Variants in MYZAP observed in about 807,000 individuals in gnomAD.
MYZAP encodes GRINL1A complex locus upstream.
Under a neutral mutation model 69.4 loss-of-function variants are expected in MYZAP, and 66 were observed. That is an observed-to-expected ratio of 0.95 (90% CI 0.78 to 1.17). The LOEUF (loss-of-function observed/expected upper bound fraction) is 1.17. Among genes scored for constraint, MYZAP ranks in the 50% most tolerant of loss-of-function variants. The pLI is 0.00. For synonymous variants in MYZAP, 256 were observed against 205.9 expected (o/e 1.24, Z -2.09); for missense variants, 611 against 556.2 (o/e 1.10, Z -0.99).
chr15:57,683,887 C>T (rs551196169), intron 12 of MYZAP, among the ~76,000 whole-genome samples: 17 of 152,184 alleles, frequency 1.1e-4, no homozygotes, highest in African/African-American at 3.6e-4. Context: ...CTCTGCCTCC[C>T]GGGTTCAAGC....
Position 57,661,516 on chromosome 15 carries a change from T to G in MYZAP, c.1186T>G (p.Ser396Ala). The change falls in exon 11 of 13, where the codon TCT becomes GCT. Residue 396 changes from serine to alanine, a missense_variant. Transcript: ENST00000267853. Reference sequence around the variant, plus strand: ...AATACTGCAGCTTTTAGAAAAGATATCTTTCTTAGAAGGAGAGGTAAGGAT... The same window carrying G: ...AATACTGCAGCTTTTAGAAAAGATAGCTTTCTTAGAAGGAGAGGTAAGGAT... Reference protein sequence around the residue: ...LLILQLLEKISFLEGENNELQ... With the variant: ...LLILQLLEKIAFLEGENNELQ... 4 of 1,610,050 alleles carry G rather than the reference T, an allele frequency of 2.5e-6. No homozygotes were observed. In the South Asian group the frequency reaches 3.3e-5, roughly 13 times the overall value.
At chr15:57,619,856 G>A (rs1043336659) in intron 3 of MYZAP, among the ~76,000 whole-genome samples, 2 of 152,168 alleles carry the variant, frequency 1.3e-5, no homozygotes, top group Non-Finnish European at 2.9e-5. Context: ...AAAGGCAGGA[G>A]GAGATGTTGG....
chr15:57,635,196 C>T (rs1235271661), intron 8 of MYZAP, among the ~76,000 whole-genome samples: 1 of 152,278 alleles, frequency 6.6e-6, no homozygotes, highest in East Asian at 1.9e-4. Flanking sequence ...ACTCAGTCTC[C>T]ACTTCTGTAA....
intron 2 of MYZAP, among the ~76,000 whole-genome samples, chr15:57,606,736 A>ATAG (rs397755624): frequency 6.8e-6 from 1 of 146,000 alleles, no homozygotes; most frequent in Admixed American, 6.9e-5. Context: ...AATAATAATA[A>ATAG]AATAAAATAA....
At position 57,644,311 on chromosome 15, in the gene MYZAP, C is replaced by T. The variant is rs996562606; in HGVS notation, c.1119+4766C>T. On this transcript the variant is annotated intron_variant, in intron 10 of 12. Coordinates refer to ENST00000267853, the MANE Select transcript of MYZAP (RefSeq NM_001018100.5). ...CTCAACAGAAAGCAAGCCAGGGAGA[C>T]AGTCACCAGGGACCAGGAGCACAGA... Among the ~76,000 whole-genome samples the T allele has an allele frequency of 1.3e-5, 2 of 152,186 alleles. 1 individual carries two copies. The highest frequency in any genetic ancestry group is 4.8e-5 in the African/African-American group (2 of 41,438).
At chr15:57,680,281 C>T (rs779282609) in intron 12 of MYZAP, among the ~76,000 whole-genome samples, 3 of 152,112 alleles carry the variant, frequency 2.0e-5, no homozygotes, top group Non-Finnish European at 4.4e-5. Flanking sequence ...TTGACTCCTT[C>T]TTTCCCATTC....
intron 9 of MYZAP, among the ~76,000 whole-genome samples, chr15:57,638,399 A>G (rs1321844487): frequency 1.3e-5 from 2 of 152,202 alleles, no homozygotes; most frequent in East Asian, 1.9e-4. Flanking sequence ...TATGACGGTG[A>G]TAACAGTGCC....
At position 57,616,822 on chromosome 15, in the gene MYZAP, CTTTTTTTTTT is replaced by C. The variant is rs763856721; in HGVS notation, c.163-1195_163-1186del. ...GAGACTCCATCTAAAAAAAAAAGTG[CTTTTTTTTTT>C]TTTTTTTTTTTTTTTGTGAATACAT... On this transcript the variant is annotated intron_variant, in intron 2 of 12. Transcript: ENST00000267853. 4.3e-3 allele frequency among the ~76,000 whole-genome samples: 217 copies of C among 50,066 alleles called. 4 individuals carry two copies. Among genetic ancestry groups the C allele is most frequent in the African/African-American group, 0.016 (201 of 12,626 alleles). 32.8% of individuals were successfully genotyped at this position (50,066 alleles called of 152,430 possible).
intron 1 of MYZAP, chr15:57,599,352 A>ATTTTTT: frequency 2.0e-6 from 1 of 499,202 alleles, no homozygotes; most frequent in Non-Finnish European, 2.6e-6. Flanking sequence ...GGAGGCCAGC[A>ATTTTTT]TTTTTTTTTT....
intron 1 of MYZAP, among the ~76,000 whole-genome samples, chr15:57,600,687 T>G (rs1233389755): frequency 2.0e-5 from 3 of 152,236 alleles, no homozygotes; most frequent in African/African-American, 7.2e-5. Context: ...ATGTCTCTGA[T>G]TCATTGACCA....
At position 57,660,383 on chromosome 15, in the gene MYZAP, T is replaced by G. The variant is rs116717171; in HGVS notation, c.1120-1067T>G. ...AGGCTAGGGTGCAGTGGCATCATCA[T>G]AGCTGACTTCCACCTTGACCTCCTG... On this transcript the variant is annotated intron_variant, in intron 10 of 12. Transcript: ENST00000267853. Among the ~76,000 whole-genome samples, 480 of 152,322 alleles carry G rather than the reference T, an allele frequency of 3.2e-3. 4 individuals carry two copies. Among genetic ancestry groups the G allele is most frequent in the African/African-American group, 0.011 (467 of 41,576 alleles).
chr15:57,646,100 C>G (rs533426794), intron 10 of MYZAP: 1 of 1,258,170 alleles, frequency 7.9e-7, no homozygotes, highest in Admixed American at 2.3e-5. Flanking sequence ...TAGCACCAAG[C>G]CCACAAACCT....
rs138057621 is a variant in MYZAP, at chr15:57,619,786, G to T, written c.318+1598G>T. On this transcript the variant is annotated intron_variant, in intron 3 of 12. Coordinates refer to ENST00000267853, the MANE Select transcript of MYZAP (RefSeq NM_001018100.5). ...CCTTCCTCACTTAAATGCTCCGGAGGTATGGCTCCTCCCTTAGTAACCTTC... is the reference window on the plus strand; with the variant it reads ...CCTTCCTCACTTAAATGCTCCGGAGTTATGGCTCCTCCCTTAGTAACCTTC... Among the ~76,000 whole-genome samples the T allele has an allele frequency of 2.5e-3, 385 of 152,216 alleles. 16 individuals are homozygous for T. The East Asian group carries it at 0.051, about 20-fold the overall frequency.
Position 57,637,771 on chromosome 15 carries a change from A to C in MYZAP, c.1010A>C (p.Glu337Ala), listed in dbSNP as rs117361082. Residue 337 changes from glutamate to alanine, a missense_variant, in exon 9 of 13, where the codon GAA becomes GCA. Transcript: ENST00000267853. ...GGGGAGTTAACTGATTCTGACAAGG[A>C]AAGGTAAGACGTAATGCCTTTCGTC... ...MSGELTDSDK[E>A]RYQQLEEASA... The C allele has an allele frequency of 1.2e-6, 2 of 1,609,184 alleles. No homozygotes were observed. Among genetic ancestry groups the C allele is most frequent in the Non-Finnish European group, 1.7e-6 (2 of 1,177,300 alleles).
chr15:57,619,172 CT>C (rs534999273), intron 3 of MYZAP, among the ~76,000 whole-genome samples: 45 of 152,174 alleles, frequency 3.0e-4, no homozygotes, highest in African/African-American at 9.9e-4. Context: ...CTCATGATGT[CT>C]TCGCTTTTGT....
intron 10 of MYZAP, among the ~76,000 whole-genome samples, chr15:57,640,256 G>A (rs994608237): frequency 6.6e-6 from 1 of 152,168 alleles, no homozygotes; most frequent in Non-Finnish European, 1.5e-5. Flanking sequence ...TTGTGGTGAT[G>A]TTCCAAAGAA....
At chr15:57,593,497 C>T (rs1016642562) in intron 1 of MYZAP, among the ~76,000 whole-genome samples, 3 of 152,146 alleles carry the variant, frequency 2.0e-5, no homozygotes, top group Admixed American at 6.5e-5. Flanking sequence ...TCTGTAACTT[C>T]CCTTCCAGAG....
At chr15:57,631,479 G>A (rs1367966033) in intron 6 of MYZAP, among the ~76,000 whole-genome samples, 1 of 119,072 alleles carries the variant, frequency 8.4e-6, no homozygotes, top group African/African-American at 3.1e-5. Context: ...AAAAAAAAAA[G>A]CTTCAGGAAC....
At chr15:57,667,165 C>T (rs2140576900) in intron 11 of MYZAP, among the ~76,000 whole-genome samples, 1 of 152,272 alleles carries the variant, frequency 6.6e-6, no homozygotes, top group South Asian at 2.1e-4. Context: ...GTTATGCATT[C>T]TTGCGACTAT....
Sources: gnomAD v4.1 joint callset for allele counts (sites outside exome capture counted in the v4.1 genomes callset) on GRCh38, gnomAD v4.1.1 for gene constraint, MANE v1.5 for transcripts, NCBI Gene and HGNC (gene_info 2026-07-23, HGNC 2026-07-21) for gene names.